The following FNDC5 variants were observed in gnomAD, a reference collection of about 807,000 sequenced individuals.
FNDC5 encodes the protein fibronectin type III domain containing 5.
Under a neutral mutation model 24.6 loss-of-function variants are expected in FNDC5, and 10 were observed. The observed-to-expected ratio is 0.41, with a 90% CI of 0.25 to 0.69. The LOEUF (loss-of-function observed/expected upper bound fraction) is 0.69, where lower values mean the gene tolerates loss of function less well. Among genes scored for constraint, FNDC5 ranks in the 30% least tolerant of loss-of-function variants. The pLI is 0.34. For missense variants in FNDC5, 226 were observed against 282.9 expected, an observed-to-expected ratio of 0.80 and a Z score of 1.44; for synonymous variants, 90 against 110.7, an observed-to-expected ratio of 0.81 and a Z score of 1.18.
chr1:32,870,701 C>T lies in FNDC5; in HGVS notation c.46G>A (p.Ala16Thr). Reference sequence around the variant, plus strand: ...ACGCAGCCCAGCCACAGGCGGAGCGCGGCGCGGGCGCGGGGCGGCCAGGCG... The same window carrying T: ...ACGCAGCCCAGCCACAGGCGGAGCGTGGCGCGGGCGCGGGGCGGCCAGGCG... The change falls in exon 1 of 6, where the codon GCG becomes ACG. Residue 16 changes from alanine (A) to threonine (T), a missense_variant. Coordinates refer to ENST00000373471, the MANE Select transcript of FNDC5 (RefSeq NM_153756.3). 5.8e-6 allele frequency: 7 copies of T among 1,196,966 alleles called. No homozygotes were observed. In the South Asian group the frequency reaches 2.1e-4, roughly 36 times the overall value. The allele number at this position is 1,196,966 out of a possible 1,614,324, so 74.1% of individuals were successfully genotyped here.
chr1:32,864,713 G>C lies in FNDC5; in HGVS notation c.584C>G (p.Ser195Ter). ...CTGGTGCTCTGGTGTGCTGGTTTCT[G>C]ATGCACTCTTGGTTTTTTCCTTGTT... The change falls in exon 5 of 6, where the codon TCA (serine) becomes TGA (stop). Residue 195 changes from serine (S) to a stop codon, truncating the protein, a stop_gained. Coordinates refer to ENST00000373471, the MANE Select transcript of FNDC5 (RefSeq NM_153756.3). LOFTEE classifies it high-confidence loss of function. The C allele has an allele frequency of 6.2e-7, 1 of 1,614,218 alleles. No homozygotes were observed. The highest frequency in any genetic ancestry group is 1.3e-5 in the African/African-American group (1 of 75,062).
chr1:32,865,734 G>T (rs1641059569), intron 4 of FNDC5, among the ~76,000 whole-genome samples: 1 of 152,086 alleles, frequency 6.6e-6, no homozygotes, highest in South Asian at 2.1e-4. Context: ...TGTTGAGCTC[G>T]TGCCAGGCCC....
chr1:32,866,784 G>A (rs1038958987), intron 4 of FNDC5, among the ~76,000 whole-genome samples: 1 of 152,204 alleles, frequency 6.6e-6, no homozygotes, highest in Non-Finnish European at 1.5e-5. Context: ...TTCTTTGCAA[G>A]CAGAGGGGTC....
rs887840786 is a variant in FNDC5 at position 32,864,166 on chromosome 1, G to A, written c.*128C>T. ...AGGACAGTAAGCCAGAGGGTACAAG[G>A]AGATGGAGGGAAGAGATGTAGAGAG... On this transcript the variant is annotated 3_prime_UTR_variant, in exon 6 of 6. Coordinates refer to ENST00000373471, the MANE Select transcript of FNDC5 (RefSeq NM_153756.3). 10 of 1,597,498 alleles carry A rather than the reference G, an allele frequency of 6.3e-6. No individual in the cohort carries two copies. The highest frequency in any genetic ancestry group is 8.5e-6 in the Non-Finnish European group (10 of 1,171,320).
intron 4 of FNDC5, among the ~76,000 whole-genome samples, chr1:32,866,510 A>G (rs1641073371): frequency 6.6e-6 from 1 of 152,070 alleles, no homozygotes; most frequent in Admixed American, 6.5e-5. Context: ...TGAACACACC[A>G]TGCCCTGAAC....
intron 5 of FNDC5, 33 bp downstream of exon 5, chr1:32,864,631 G>T: frequency 1.9e-6 from 3 of 1,613,190 alleles, no homozygotes; most frequent in South Asian, 1.1e-5. Context: ...TGAGGCACAG[G>T]GTGGCCCACC....
At chr1:32,867,674 TCATGAGA>T in intron 4 of FNDC5, 72 bp downstream of exon 4, 2 of 1,407,434 alleles carry the variant, frequency 1.4e-6, no homozygotes, top group South Asian at 1.2e-5. Context: ...ACCCTTTTTT[TCATGAGA>T]GAAGGGGCTG....
rs377098383 is a variant in FNDC5, at chr1:32,864,684, C to G, written c.613G>C (p.Gly205Arg). ...CTCACCTTGCTGCGGAGAAGCCCCC[C>G]GCCCTGGTGCTCTGGTGTGCTGGTT... The change falls in exon 5 of 6, where the codon GGG becomes CGG. Residue 205 changes from glycine to arginine, a missense_variant. Transcript: ENST00000373471. The G allele has an allele frequency of 4.3e-6, 7 of 1,614,046 alleles. No individual in the cohort carries two copies. The highest frequency in any genetic ancestry group is 1.7e-5 in the Admixed American group (1 of 60,004).
At chr1:32,866,887 C>T (rs893070526) in intron 4 of FNDC5, among the ~76,000 whole-genome samples, 6 of 151,884 alleles carry the variant, frequency 4.0e-5, no homozygotes, top group African/African-American at 1.2e-4. Flanking sequence ...TGAAACTTGG[C>T]CTTTACCAGC....
At chr1:32,869,303 T>A (rs1641133471) in intron 1 of FNDC5, among the ~76,000 whole-genome samples, 1 of 151,938 alleles carries the variant, frequency 6.6e-6, no homozygotes, top group African/African-American at 2.4e-5. Context: ...GGATGGGTGG[T>A]TAGAGTTGTG....
Position 32,863,775 on chromosome 1 carries a change from A to T in FNDC5, c.*519T>A. On this transcript the variant is annotated 3_prime_UTR_variant, in exon 6 of 6. Coordinates refer to ENST00000373471, the MANE Select transcript of FNDC5 (RefSeq NM_153756.3). ...GATGTTCACTGAGGGCTTGTTTGGA[A>T]ACTGGGAGGAAAAAAATGAGAGAAG... 2.3e-6 allele frequency: 3 copies of T among 1,304,634 alleles called. No homozygotes were observed. The highest frequency in any genetic ancestry group is 3.0e-6 in the Non-Finnish European group (3 of 989,058). 80.8% of individuals were successfully genotyped at this position (1,304,634 alleles called of 1,614,324 possible). A position where few individuals can be genotyped will look rare whatever the true frequency, so the allele number is the denominator to read the frequency against.
rs1490570152 is a variant in FNDC5, at chr1:32,870,737, C to G, written c.10G>C (p.Gly4Arg). The change falls in exon 1 of 6, where the codon GGG becomes CGG. Residue 4 changes from glycine to arginine, a missense_variant. Transcript: ENST00000373471. ...CGGGGCGGCCAGGCGCTCGGCGACC[C>G]GGGGTGTATGGTGGCTCCTCCGGCC... The G allele has an allele frequency of 8.6e-7, 1 of 1,158,276 alleles. No homozygotes were observed. The highest frequency in any genetic ancestry group is 4.7e-5 in the Admixed American group (1 of 21,074). 71.7% of individuals were successfully genotyped at this position (1,158,276 alleles called of 1,614,324 possible).
chr1:32,864,651 G>A lies in FNDC5; in HGVS notation c.633+13C>T. The A allele has an allele frequency of 9.3e-6, 15 of 1,613,796 alleles. No individual in the cohort carries two copies. Among genetic ancestry groups the A allele is most frequent in the Non-Finnish European group, 1.3e-5 (15 of 1,180,036 alleles). On this transcript the variant is annotated intron_variant, in intron 5 of 5. Transcript: ENST00000373471. ...CACAGGGTGGCCCACCCAGGCCCAG[G>A]TCTTGCCCTCACCTTGCTGCGGAGA...
At position 32,870,826 on chromosome 1, in the gene FNDC5, TCCGGCCCCCGGCCCGGCCGGC is replaced by T. The variant is rs1641169673; in HGVS notation, c.-101_-81del. ...GCCCGGCGGCCGCTCGCGCTCGCGC[TCCGGCCCCCGGCCCGGCCGGC>T]CCGGCCGCTCCGGCCGCCCTGCGCC... On this transcript the variant is annotated 5_prime_UTR_variant, in exon 1 of 6. Transcript: ENST00000373471. 2.1e-6 allele frequency: 1 copy of T among 471,062 alleles called. No individual in the cohort carries two copies. Among genetic ancestry groups the T allele is most frequent in the African/African-American group, 2.2e-5 (1 of 44,862 alleles). 29.2% of individuals were successfully genotyped at this position (471,062 alleles called of 1,614,324 possible).
Position 32,862,972 on chromosome 1 carries a change from C to T in FNDC5, c.*1322G>A, listed in dbSNP as rs372376939. 2.6e-5 allele frequency: 4 copies of T among 152,830 alleles called. No homozygotes were observed. The highest frequency in any genetic ancestry group is 9.6e-5 in the African/African-American group (4 of 41,554). 9.5% of individuals were successfully genotyped at this position (152,830 alleles called of 1,614,324 possible). ...TCCTGTCCGTGGTGAATGGCTCAGG[C>T]CTGCCTTCCAGCAGCTTCTACTCCA... On this transcript the variant is annotated 3_prime_UTR_variant, in exon 6 of 6. Coordinates refer to ENST00000373471, the MANE Select transcript of FNDC5 (RefSeq NM_153756.3).
At chr1:32,870,610 G>A in intron 1 of FNDC5, 43 bp downstream of exon 1, 1 of 1,146,272 alleles carries the variant, frequency 8.7e-7, no homozygotes, top group East Asian at 3.4e-5. Context: ...GGGCTCGAGA[G>A]GAGCCTGCCC....
At position 32,867,734 on chromosome 1, in the gene FNDC5, T is replaced by A. The variant is rs748586202; in HGVS notation, c.499+19A>T. On this transcript the variant is annotated intron_variant, in intron 4 of 5. Transcript: ENST00000373471. The stretch of plus-strand genomic sequence containing the variant: ...CCCAGAATCTGAGGGAAGAAGAAGG[T>A]CTCGGAGGCCAGACTCACCTGCCCA... The A allele has an allele frequency of 2.3e-5, 37 of 1,610,358 alleles. No homozygotes were observed. Among genetic ancestry groups the A allele is most frequent in the Non-Finnish European group, 6.8e-6 (8 of 1,177,310 alleles).
At position 32,868,181 on chromosome 1, in the gene FNDC5, C is replaced by T. The variant is rs757775826; in HGVS notation, c.409+9G>A. 3.8e-5 allele frequency: 62 copies of T among 1,613,506 alleles called. No homozygotes were observed. Among genetic ancestry groups the T allele is most frequent in the Non-Finnish European group, 4.3e-5 (51 of 1,179,880 alleles). ...CACCCCATTCCTCTTAACAGTGACC[C>T]GGGCCTGCCTTTGTTCTTGGAGGCC... On this transcript the variant is annotated intron_variant, in intron 3 of 5. Coordinates refer to ENST00000373471, the MANE Select transcript of FNDC5 (RefSeq NM_153756.3). This position sits in a 1 kb window ranked among gnomAD's most constrained non-coding sequence, Gnocchi z 4.8.
chr1:32,868,385 T>C lies in FNDC5; in HGVS notation c.214A>G (p.Lys72Glu), dbSNP rs368098828. Residue 72 changes from lysine to glutamate, a missense_variant, in exon 3 of 6, where the codon AAG becomes GAG. Lys to Glu is a moderately conservative substitution (Grantham distance 56, BLOSUM62 1). Transcript: ENST00000373471. This position sits in a 1 kb window ranked among gnomAD's most constrained non-coding sequence, Gnocchi z 4.8. Reference sequence around the variant, plus strand: ...ATGAAGCGCAGCATCCGCACATCCTTCTTCTGCAGACAAGCGCCGGTCACT... The same window carrying C: ...ATGAAGCGCAGCATCCGCACATCCTCCTTCTGCAGACAAGCGCCGGTCACT... 2.5e-6 allele frequency: 4 copies of C among 1,613,120 alleles called. No individual in the cohort carries two copies. The African/African-American group carries it at 5.3e-5, about 22-fold the overall frequency.
Sources: gnomAD v4.1 joint callset for allele counts (sites outside exome capture counted in the v4.1 genomes callset) on GRCh38, gnomAD v4.1.1 for gene constraint, Gnocchi (gnomAD v3.1) non-coding constraint, MANE v1.5 for transcripts, NCBI Gene and HGNC (gene_info 2026-07-23, HGNC 2026-07-21) for gene names.